Variants in ANKS1B observed in about 807,000 individuals in gnomAD.
ANKS1B encodes the protein ankyrin repeat and sterile alpha motif domain-containing protein 1B.
A neutral mutation model predicts 148.3 loss-of-function variants in ANKS1B; 36 were observed. The observed-to-expected ratio is 0.24, with a 90% CI of 0.19 to 0.32. The LOEUF (loss-of-function observed/expected upper bound fraction) is 0.32. Ranked by LOEUF, ANKS1B falls within the 10% of genes least tolerant of loss-of-function variation. The pLI, the probability that ANKS1B is intolerant of heterozygous loss-of-function variation, is 1.00. For missense variants in ANKS1B, 1,157 were observed against 1,542.6 expected (o/e 0.75, Z 4.19); for synonymous variants, 542 against 560.8 (o/e 0.97, Z 0.47).
At chr12:98,876,692 C>T (rs2099691487) in intron 17 of ANKS1B, among the ~76,000 whole-genome samples, 1 of 152,186 alleles carries the variant, frequency 6.6e-6, no homozygotes, top group Non-Finnish European at 1.5e-5. Context: ...GAAGCATCAT[C>T]AGAATGGACT....
At chr12:99,564,047 C>T (rs937899679) in intron 9 of ANKS1B, among the ~76,000 whole-genome samples, 2 of 152,072 alleles carry the variant, frequency 1.3e-5, no homozygotes, top group Non-Finnish European at 2.9e-5. Flanking sequence ...ACTCGGTTCT[C>T]TAGAGATGAA....
At chr12:99,554,251 C>T (rs546388658) in intron 9 of ANKS1B, among the ~76,000 whole-genome samples, 19 of 152,228 alleles carry the variant, frequency 1.2e-4, no homozygotes, top group African/African-American at 4.1e-4. Context: ...CTATGAGATA[C>T]TGTGGAAGGT....
At position 99,404,451 on chromosome 12, in the gene ANKS1B, A is replaced by G. The variant is rs975109967; in HGVS notation, c.1576-4640T>C. On this transcript the variant is annotated intron_variant, in intron 11 of 26. Coordinates refer to ENST00000683438, the MANE Select transcript of ANKS1B (RefSeq NM_001352186.2). ...CAGATAAATTTAACAAAGAGATTGA[A>G]ATTATTGAAAAGAATCAAGCAGAAA... Among the ~76,000 whole-genome samples, 3 of 145,834 alleles carry G rather than the reference A, an allele frequency of 2.1e-5. 1 individual carries two copies. The highest frequency in any genetic ancestry group is 6.8e-5 in the Admixed American group (1 of 14,678).
At chr12:99,809,698 T>G (rs2068089420) in intron 3 of ANKS1B, among the ~76,000 whole-genome samples, 1 of 152,076 alleles carries the variant, frequency 6.6e-6, no homozygotes, top group South Asian at 2.1e-4. Flanking sequence ...GATAACATAT[T>G]TTTAAAATGC....
rs553622461 is a variant in ANKS1B at position 99,507,302 on chromosome 12, A to T, written c.1273-2661T>A. On this transcript the variant is annotated intron_variant, in intron 9 of 26. Coordinates refer to ENST00000683438, the MANE Select transcript of ANKS1B (RefSeq NM_001352186.2). ...GGATTTAGTTAAGTTGGAATTTTAC[A>T]GTGTGTATGAACACTTCTGAGGATT... Among the ~76,000 whole-genome samples, 9 of 152,088 alleles carry T rather than the reference A, an allele frequency of 5.9e-5. No homozygotes were observed. The South Asian group carries it at 1.9e-3, about 31-fold the overall frequency.
chr12:99,747,729 C>G (rs760213883), intron 8 of ANKS1B, among the ~76,000 whole-genome samples: 15 of 152,208 alleles, frequency 9.9e-5, no homozygotes, highest in African/African-American at 3.6e-4. Context: ...AAATTTCTCA[C>G]GCCTAGAATG....
At chr12:99,863,722 T>TAA (rs66513776) in intron 1 of ANKS1B, among the ~76,000 whole-genome samples, 34 of 142,968 alleles carry the variant, frequency 2.4e-4, no homozygotes, top group Admixed American at 2.8e-4. Context: ...CTCAAAAAAA[T>TAA]AAAAAAAAAA....
chr12:99,723,367 G>T (rs189782251), intron 8 of ANKS1B, among the ~76,000 whole-genome samples: 1 of 152,108 alleles, frequency 6.6e-6, no homozygotes, highest in Non-Finnish European at 1.5e-5. Flanking sequence ...ACAACACACC[G>T]GCTGTGGCAG....
chr12:98,741,930 CTTGA>C (rs924961911), downstream of ANKS1B, among the ~76,000 whole-genome samples: 1 of 152,170 alleles, frequency 6.6e-6, no homozygotes, highest in African/African-American at 2.4e-5. Flanking sequence ...TGTTGGGATG[CTTGA>C]TTGAGGCCCT....
rs149357844 is a variant in ANKS1B at position 98,858,175 on chromosome 12, T to G, written c.2779-26039A>C. ...TTGGGACCTACTCTATGTACTCTGG[T>G]GCTCTCCATAAGCAAATGGGATGAT... is the stretch of plus-strand genomic sequence containing the variant. On this transcript the variant is annotated intron_variant, in intron 17 of 26. Coordinates refer to ENST00000683438, the MANE Select transcript of ANKS1B (RefSeq NM_001352186.2). Among the ~76,000 whole-genome samples the G allele has an allele frequency of 3.5e-3, 534 of 152,322 alleles. 1 individual carries two copies. Among genetic ancestry groups the G allele is most frequent in the African/African-American group, 0.012 (482 of 41,578 alleles).
intron 12 of ANKS1B, among the ~76,000 whole-genome samples, chr12:99,251,569 T>G (rs749865154): frequency 6.6e-6 from 1 of 152,208 alleles, no homozygotes; most frequent in Non-Finnish European, 1.5e-5. Context: ...AATTCCAATC[T>G]GATAGTTATT....
chr12:99,318,469 T>C (rs1462243309), intron 12 of ANKS1B, among the ~76,000 whole-genome samples: 4 of 152,202 alleles, frequency 2.6e-5, no homozygotes, highest in Non-Finnish European at 2.9e-5. Flanking sequence ...GTTTATAGTG[T>C]TCTTTGAGGG....
intron 17 of ANKS1B, among the ~76,000 whole-genome samples, chr12:99,007,872 A>C (rs1282597469): frequency 6.6e-6 from 1 of 151,690 alleles, no homozygotes; most frequent in Non-Finnish European, 1.5e-5. Context: ...GCAGAGATCC[A>C]CACGTTATCT....
intron 8 of ANKS1B, among the ~76,000 whole-genome samples, chr12:99,760,481 T>A (rs2061983255): frequency 6.6e-6 from 1 of 151,846 alleles, no homozygotes; most frequent in African/African-American, 2.4e-5. Context: ...AAGGCAGATA[T>A]CAAAAAAATC....
chr12:99,591,392 C>T (rs893398468), intron 9 of ANKS1B, among the ~76,000 whole-genome samples: 1 of 151,972 alleles, frequency 6.6e-6, no homozygotes, highest in Non-Finnish European at 1.5e-5. Flanking sequence ...GTAACCATGA[C>T]TACGGTTTTC....
chr12:99,047,839 A>C (rs755210618), intron 17 of ANKS1B, among the ~76,000 whole-genome samples: 1 of 152,174 alleles, frequency 6.6e-6, no homozygotes, highest in Non-Finnish European at 1.5e-5. Context: ...CTTCAGGTAG[A>C]AGGAAAATGA....
chr12:98,832,522 T>C (rs2099327470), intron 17 of ANKS1B, among the ~76,000 whole-genome samples: 1 of 152,290 alleles, frequency 6.6e-6, no homozygotes, highest in South Asian at 2.1e-4. Flanking sequence ...CCATCCAGGA[T>C]ATGCAGTCAT....
At chr12:99,251,638 C>T (rs1289647869) in intron 12 of ANKS1B, among the ~76,000 whole-genome samples, 1 of 152,142 alleles carries the variant, frequency 6.6e-6, no homozygotes, top group Non-Finnish European at 1.5e-5. Context: ...GGAAGCAGTT[C>T]AATCTCTTTT....
At chr12:99,430,782 G>A (rs1214812697) in intron 11 of ANKS1B, among the ~76,000 whole-genome samples, 10 of 152,222 alleles carry the variant, frequency 6.6e-5, no homozygotes, top group Admixed American at 5.9e-4. Context: ...AGCTGTGCCA[G>A]TGACTGGGTT....
Sources: gnomAD v4.1 joint callset for allele counts (sites outside exome capture counted in the v4.1 genomes callset) on GRCh38, gnomAD v4.1.1 for gene constraint, MANE v1.5 for transcripts, NCBI Gene and HGNC (gene_info 2026-07-23, HGNC 2026-07-21) for gene names.